STRN: variants seen among roughly 807,000 people sequenced by gnomAD.
STRN encodes the protein protein phosphatase 2 regulatory subunit B'''alpha.
Under a neutral mutation model 96.3 loss-of-function variants are expected in STRN, and 53 were observed. That is an observed-to-expected ratio of 0.55 (90% CI 0.44 to 0.69). The LOEUF is 0.69. STRN is among the 30% of genes least tolerant of loss of function. The pLI is 0.00. For missense variants in STRN, 987 were observed against 963.9 expected (o/e 1.02, Z -0.32); for synonymous variants, 428 against 355.9 (o/e 1.20, Z -2.28).
chr2:36,959,457 A>C (rs1264007302), intron 1 of STRN, among the ~76,000 whole-genome samples: 1 of 152,180 alleles, frequency 6.6e-6, no homozygotes, highest in East Asian at 1.9e-4. Context: ...AACTGTAAAG[A>C]TATCTGGAGA....
intron 9 of STRN, 38 bp from the exon 10 acceptor site, chr2:36,878,065 T>C: frequency 1.2e-6 from 2 of 1,608,314 alleles, no homozygotes; most frequent in Non-Finnish European, 1.7e-6. Context: ...AAAAAATCTC[T>C]AAGGAGCCAA....
chr2:36,875,881 T>C (rs558770028), intron 10 of STRN, among the ~76,000 whole-genome samples: 40 of 152,242 alleles, frequency 2.6e-4, no homozygotes, highest in African/African-American at 8.9e-4. Flanking sequence ...ATGGTCTCGA[T>C]CTCTTGACCT....
chr2:36,926,476 A>C (rs202145988), intron 1 of STRN, among the ~76,000 whole-genome samples: 4 of 152,210 alleles, frequency 2.6e-5, no homozygotes, highest in African/African-American at 4.8e-5. Flanking sequence ...CAAGAACTTT[A>C]CATTTAAGGA....
At chr2:36,869,837 G>T in intron 10 of STRN, 108 bp from the exon 11 acceptor site, 2 of 870,926 alleles carry the variant, frequency 2.3e-6, no homozygotes, top group Non-Finnish European at 3.1e-6. Flanking sequence ...CGATCACTTT[G>T]CAATTTTTAA....
At chr2:36,859,747 C>T (rs1159449986) in intron 13 of STRN, among the ~76,000 whole-genome samples, 1 of 152,076 alleles carries the variant, frequency 6.6e-6, no homozygotes, top group Non-Finnish European at 1.5e-5. Flanking sequence ...GAAATTGTCA[C>T]AAAGGGTCAA....
chr2:36,889,531 A>T (rs1400284625), intron 7 of STRN, among the ~76,000 whole-genome samples: 1 of 149,646 alleles, frequency 6.7e-6, no homozygotes, highest in East Asian at 2.0e-4. Context: ...CATAAAAACA[A>T]TAGCAATCAT....
chr2:36,908,675 T>A (rs1048540698), intron 3 of STRN, among the ~76,000 whole-genome samples: 3 of 152,162 alleles, frequency 2.0e-5, no homozygotes, highest in African/African-American at 7.2e-5. Context: ...ACCCTCTAAG[T>A]AACATCTGAG....
chr2:36,928,466 A>G (rs1670476299), intron 1 of STRN, among the ~76,000 whole-genome samples: 1 of 151,694 alleles, frequency 6.6e-6, no homozygotes, highest in Admixed American at 6.6e-5. Context: ...AGCCTGGCCA[A>G]CATGGTGAAA....
intron 7 of STRN, 130 bp downstream of exon 7, chr2:36,893,768 G>A: frequency 1.8e-6 from 2 of 1,086,948 alleles, no homozygotes; most frequent in Admixed American, 2.7e-5. Flanking sequence ...TGGATAAAGG[G>A]TGCTAGTAGT....
At chr2:36,855,618 G>C (rs1428553567) in intron 14 of STRN, among the ~76,000 whole-genome samples, 1 of 152,098 alleles carries the variant, frequency 6.6e-6, no homozygotes, top group Non-Finnish European at 1.5e-5. Context: ...TTTATTTAGA[G>C]AGCAAATGGA....
chr2:36,928,179 T>C (rs1309184358), intron 1 of STRN, among the ~76,000 whole-genome samples: 2 of 152,152 alleles, frequency 1.3e-5, no homozygotes, highest in African/African-American at 2.4e-5. Flanking sequence ...GTCGAAAGCA[T>C]AATAATTGGT....
intron 8 of STRN, among the ~76,000 whole-genome samples, chr2:36,884,625 A>C (rs1196862912): frequency 6.6e-6 from 1 of 152,194 alleles, no homozygotes; most frequent in Non-Finnish European, 1.5e-5. Context: ...AGTTTAATTA[A>C]GAATGGGAAA....
At chr2:36,909,732 G>C (rs1669915942) in intron 3 of STRN, among the ~76,000 whole-genome samples, 1 of 152,030 alleles carries the variant, frequency 6.6e-6, no homozygotes, top group Non-Finnish European at 1.5e-5. Flanking sequence ...AACTACACCA[G>C]GGCATATCAT....
chr2:36,895,911 G>A (rs1041938041), intron 6 of STRN, among the ~76,000 whole-genome samples: 2 of 151,960 alleles, frequency 1.3e-5, no homozygotes, highest in African/African-American at 2.4e-5. Flanking sequence ...GTGACAGTGC[G>A]AGACTCCATC....
chr2:36,849,563 C>T lies in STRN; in HGVS notation c.2236G>A (p.Ala746Thr), dbSNP rs1668167732. The T allele has an allele frequency of 6.2e-7, 1 of 1,613,882 alleles. No homozygotes were observed. Among genetic ancestry groups the T allele is most frequent in the African/African-American group, 1.3e-5 (1 of 74,832 alleles). Residue 746 changes from alanine to threonine, a missense_variant, in exon 18 of 18, where the codon GCT (alanine) becomes ACT (threonine). Coordinates refer to ENST00000263918, the MANE Select transcript of STRN (RefSeq NM_003162.4). ...ESKTCIQEFTAHRKKFEESIH... is the reference protein window; with the variant it reads ...ESKTCIQEFTTHRKKFEESIH... ...GATTCTTCAAACTTTTTTCGATGAG[C>T]TGTGAATTCTTGGATACACGTCTTA...
chr2:36,862,740 CTT>C (rs201207436), intron 12 of STRN, among the ~76,000 whole-genome samples: 8 of 144,282 alleles, frequency 5.5e-5, no homozygotes, highest in African/African-American at 7.6e-5. Flanking sequence ...TGTTTTTATT[CTT>C]TTTTTTTTTT....
intron 9 of STRN, among the ~76,000 whole-genome samples, chr2:36,878,539 G>A (rs947466149): frequency 2.0e-5 from 3 of 151,998 alleles, no homozygotes; most frequent in African/African-American, 7.3e-5. Context: ...TACCTCTGCC[G>A]GCCAGAAGAG....
At chr2:36,857,804 G>T in intron 14 of STRN, 52 bp downstream of exon 14, 2 of 1,430,976 alleles carry the variant, frequency 1.4e-6, no homozygotes, top group Non-Finnish European at 1.9e-6. Flanking sequence ...CTTATTTTCA[G>T]AATAAACTGT....
At chr2:36,865,462 C>G (rs923009376) in intron 12 of STRN, among the ~76,000 whole-genome samples, 3 of 151,716 alleles carry the variant, frequency 2.0e-5, no homozygotes, top group Non-Finnish European at 4.4e-5. Flanking sequence ...TTTTGTGTGT[C>G]TCAATTTCAT....
Sources: allele counts gnomAD v4.1 joint callset (sites outside exome capture counted in the v4.1 genomes callset), GRCh38; gene constraint gnomAD v4.1.1; transcripts MANE v1.5; gene names NCBI Gene and HGNC (gene_info 2026-07-23, HGNC 2026-07-21).